Variants in FAM163A observed in about 807,000 individuals in gnomAD.
FAM163A encodes family with sequence similarity 163 member A, also known as protein FAM163A.
FAM163A carries 7 observed loss-of-function variants against 12.0 expected under a neutral mutation model. The ratio of observed to expected loss-of-function variants is 0.58; its 90% confidence interval spans 0.33 to 1.10. The LOEUF is 1.10. FAM163A is among the 50% of genes least tolerant of loss of function. FAM163A has a pLI of 0.03. For synonymous variants in FAM163A, 101 were observed against 91.0 expected, an observed-to-expected ratio of 1.11 and a Z score of -0.62; for missense variants, 202 against 218.6, an observed-to-expected ratio of 0.92 and a Z score of 0.48.
intron 1 of FAM163A, among the ~76,000 whole-genome samples, chr1:179,759,439 C>T (rs1686488382): frequency 6.6e-6 from 1 of 152,224 alleles, no homozygotes; most frequent in South Asian, 2.1e-4. Flanking sequence ...TTGGGTTCAA[C>T]TATGAAGCAA....
At chr1:179,812,606 T>C (rs933046002) in intron 3 of FAM163A, among the ~76,000 whole-genome samples, 1 of 152,154 alleles carries the variant, frequency 6.6e-6, no homozygotes, top group African/African-American at 2.4e-5. Context: ...CTGGGTGGAA[T>C]CGCAGCCAAA....
intron 1 of FAM163A, among the ~76,000 whole-genome samples, chr1:179,790,183 A>AATTAAT (rs1691232157): frequency 6.6e-6 from 1 of 151,104 alleles, no homozygotes; most frequent in Admixed American, 6.6e-5. Context: ...GGATACTATT[A>AATTAAT]ACAGGAGTGG....
chr1:179,796,787 G>A (rs190287215), intron 1 of FAM163A, among the ~76,000 whole-genome samples: 27 of 152,374 alleles, frequency 1.8e-4, no homozygotes, highest in African/African-American at 4.3e-4. Flanking sequence ...GGGAAAGGCT[G>A]TAGACACTGT....
chr1:179,768,657 G>A (rs1687838956), intron 1 of FAM163A, among the ~76,000 whole-genome samples: 1 of 151,780 alleles, frequency 6.6e-6, no homozygotes, highest in South Asian at 2.1e-4. Context: ...CCAGGCTGAA[G>A]TACAGTGGTA....
At chr1:179,754,625 AG>A (rs1685743158) in intron 1 of FAM163A, among the ~76,000 whole-genome samples, 1 of 152,158 alleles carries the variant, frequency 6.6e-6, no homozygotes. Flanking sequence ...TTCCAGGCAG[AG>A]GGAGGGCCAA....
intron 1 of FAM163A, among the ~76,000 whole-genome samples, chr1:179,761,147 A>G (rs543056576): frequency 6.6e-6 from 1 of 152,392 alleles, no homozygotes; most frequent in Non-Finnish European, 1.5e-5. Context: ...CAGCACATAC[A>G]TGGTATAATC....
intron 1 of FAM163A, among the ~76,000 whole-genome samples, chr1:179,761,139 G>A (rs953999550): frequency 9.9e-5 from 15 of 152,150 alleles, no homozygotes; most frequent in Admixed American, 5.2e-4. Flanking sequence ...TTTTAAAACA[G>A]CACATACATG....
chr1:179,811,742 TCTAGCCCCCA>T (rs1208509407), intron 2 of FAM163A, among the ~76,000 whole-genome samples: 1 of 152,228 alleles, frequency 6.6e-6, no homozygotes, highest in Non-Finnish European at 1.5e-5. Context: ...GCAGTTGGGT[TCTAGCCCCCA>T]CTTGCCCTTT....
chr1:179,774,223 G>A (rs1557926817), intron 1 of FAM163A, among the ~76,000 whole-genome samples: 1 of 152,182 alleles, frequency 6.6e-6, no homozygotes, highest in Non-Finnish European at 1.5e-5. Context: ...TCCCACAACA[G>A]CTCTCTGAGA....
At chr1:179,732,093 C>T in the FAM163A span, among the ~76,000 whole-genome samples, 354 of 152,320 alleles carry the variant, frequency 2.3e-3, no homozygotes, top group Admixed American at 3.5e-3. Context: ...TTTCCGGTAG[C>T]TAAAAACAGA....
intron 1 of FAM163A, among the ~76,000 whole-genome samples, chr1:179,788,115 A>G (rs1349200777): frequency 4.6e-5 from 7 of 152,212 alleles, no homozygotes; most frequent in Admixed American, 4.6e-4. Context: ...ACCACCACCT[A>G]ATCACTTCTC....
At chr1:179,741,186 G>C (rs905283865), upstream of FAM163A, among the ~76,000 whole-genome samples, 3 of 152,194 alleles carry the variant, frequency 2.0e-5, no homozygotes, top group Admixed American at 6.5e-5. Flanking sequence ...ATGTAGAAGT[G>C]CCCAATTTCA....
At chr1:179,777,738 C>G (rs1689173000) in intron 1 of FAM163A, among the ~76,000 whole-genome samples, 1 of 152,188 alleles carries the variant, frequency 6.6e-6, no homozygotes, top group African/African-American at 2.4e-5. Context: ...CTCAGCCTCC[C>G]CTTTAAGAGG....
intron 1 of FAM163A, among the ~76,000 whole-genome samples, chr1:179,749,059 C>T (rs1684897711): frequency 6.6e-6 from 1 of 152,166 alleles, no homozygotes. Context: ...GCTACTGTGT[C>T]ACTGTGACTA....
At chr1:179,813,432 G>A (rs559902443) in intron 4 of FAM163A, among the ~76,000 whole-genome samples, 67 of 152,322 alleles carry the variant, frequency 4.4e-4, no homozygotes, top group Admixed American at 3.1e-3. Flanking sequence ...ATTGGGTTGT[G>A]TCTCCTGCAC....
chr1:179,799,641 GA>G (rs1692872822), intron 1 of FAM163A, among the ~76,000 whole-genome samples: 1 of 152,224 alleles, frequency 6.6e-6, no homozygotes, highest in African/African-American at 2.4e-5. Flanking sequence ...TGAAGCATAG[GA>G]AAACTCTCTA....
At chr1:179,732,136 ATTC>A in the FAM163A span, among the ~76,000 whole-genome samples, 1 of 152,228 alleles carries the variant, frequency 6.6e-6, no homozygotes. Context: ...TTGTTAAATC[ATTC>A]TTCTTCGACT....
At chr1:179,801,461 G>A (rs928890393) in intron 1 of FAM163A, among the ~76,000 whole-genome samples, 1 of 152,168 alleles carries the variant, frequency 6.6e-6, no homozygotes, top group African/African-American at 2.4e-5. Flanking sequence ...GCAGCTCAGA[G>A]GGCTAACTGC....
intron 2 of FAM163A, among the ~76,000 whole-genome samples, chr1:179,808,653 C>T (rs972030151): frequency 1.3e-5 from 2 of 152,226 alleles, no homozygotes; most frequent in Non-Finnish European, 2.9e-5. Flanking sequence ...ACAGAAGTGA[C>T]ATCCCATTAC....
Sources: allele counts gnomAD v4.1 joint callset (sites outside exome capture counted in the v4.1 genomes callset), GRCh38; gene constraint gnomAD v4.1.1; transcripts MANE v1.5; gene names NCBI Gene and HGNC (gene_info 2026-07-23, HGNC 2026-07-21).